The following MARCHF1 variants were observed in gnomAD, a reference collection of about 807,000 sequenced individuals.
The protein encoded by MARCHF1 is membrane associated ring-CH-type finger 1.
MARCHF1 carries 40 observed loss-of-function variants against 54.2 expected under a neutral mutation model. The observed-to-expected ratio is 0.74, with a 90% CI of 0.57 to 0.96. MARCHF1 has a LOEUF of 0.96. Among genes scored for constraint, MARCHF1 ranks in the 40% least tolerant of loss-of-function variants. MARCHF1 has a pLI of 0.00. For missense variants in MARCHF1, 586 were observed against 656.5 expected, an observed-to-expected ratio of 0.89 and a Z score of 1.17; for synonymous variants, 236 against 236.3, an observed-to-expected ratio of 1.00 and a Z score of 0.01.
At chr4:163,734,299 A>G (rs969224584) in intron 4 of MARCHF1, among the ~76,000 whole-genome samples, 3 of 152,222 alleles carry the variant, frequency 2.0e-5, no homozygotes, top group Non-Finnish European at 4.4e-5. Flanking sequence ...TACATCTGCC[A>G]TATGATTTAG....
At chr4:163,729,412 TCCC>T (rs34353487) in intron 4 of MARCHF1, among the ~76,000 whole-genome samples, 70,430 of 151,348 alleles carry the variant, frequency 0.47, 16,394 homozygotes, top group Admixed American at 0.49. Context: ...TTCTGGTGCT[TCCC>T]TCTGTCTTGG....
chr4:163,558,999 G>C (rs1051809204), intron 8 of MARCHF1, among the ~76,000 whole-genome samples: 6 of 152,074 alleles, frequency 3.9e-5, no homozygotes, highest in African/African-American at 1.4e-4. Flanking sequence ...AGGACAAAAT[G>C]TTCCCGTACA....
chr4:163,750,485 TG>T (rs1305899105), intron 4 of MARCHF1, among the ~76,000 whole-genome samples: 1 of 151,370 alleles, frequency 6.6e-6, no homozygotes, highest in Admixed American at 6.6e-5. Context: ...CACTCCAGCC[TG>T]GGTGACAGAG....
intron 8 of MARCHF1, among the ~76,000 whole-genome samples, chr4:163,582,791 C>A (rs1490112725): frequency 6.6e-6 from 1 of 151,706 alleles, no homozygotes; most frequent in Non-Finnish European, 1.5e-5. Context: ...ATTGATGAAT[C>A]TTAGTGCCAT....
intron 3 of MARCHF1, among the ~76,000 whole-genome samples, chr4:163,900,400 T>C (rs1232703376): frequency 6.6e-6 from 1 of 152,078 alleles, no homozygotes; most frequent in Non-Finnish European, 1.5e-5. Flanking sequence ...TGTCTTATAA[T>C]TGATCTTGCA....
intron 3 of MARCHF1, among the ~76,000 whole-genome samples, chr4:163,985,065 G>A (rs1417835400): frequency 6.6e-6 from 1 of 151,918 alleles, no homozygotes; most frequent in Non-Finnish European, 1.5e-5. Context: ...AACCCTCCTG[G>A]AGCTAAAACT....
intron 3 of MARCHF1, among the ~76,000 whole-genome samples, chr4:163,924,798 TCTA>T (rs1751503878): frequency 6.6e-6 from 1 of 151,846 alleles, no homozygotes. Context: ...CCAAATTTGC[TCTA>T]CTGTCTCTCT....
At chr4:163,703,446 C>T (rs1305028730) in intron 4 of MARCHF1, among the ~76,000 whole-genome samples, 1 of 152,130 alleles carries the variant, frequency 6.6e-6, no homozygotes, top group Non-Finnish European at 1.5e-5. Flanking sequence ...AATTGGGTGG[C>T]TTGTCCCATT....
intron 4 of MARCHF1, among the ~76,000 whole-genome samples, chr4:163,793,856 C>T (rs113001646): frequency 0.038 from 5,832 of 152,196 alleles, 163 homozygotes; most frequent in South Asian, 0.074. Context: ...CCCCTTAGAG[C>T]TGTGAGCCCT....
chr4:164,162,441 G>C (rs1253895143), intron 1 of MARCHF1, among the ~76,000 whole-genome samples: 1 of 152,098 alleles, frequency 6.6e-6, no homozygotes, highest in Non-Finnish European at 1.5e-5. Context: ...CAGCTGTGAG[G>C]AAAGAGCTGC....
intron 4 of MARCHF1, among the ~76,000 whole-genome samples, chr4:163,738,417 G>GCTT (rs10670051): frequency 0.4 from 61,434 of 151,782 alleles, 12,986 homozygotes; most frequent in Non-Finnish European, 0.47. Context: ...GCAACAGAGA[G>GCTT]CTGCATATTT....
rs34667002 is a variant in MARCHF1, at chr4:163,963,317, CA to C, written c.-39+25183del. Among the ~76,000 whole-genome samples, 91 of 151,716 alleles carry C rather than the reference CA, an allele frequency of 6.0e-4. 1 individual carries two copies. Among genetic ancestry groups the C allele is most frequent in the Non-Finnish European group, 1.2e-3 (83 of 67,828 alleles). ...AGGTTTCTAGTGACTTTATAACCTC[CA>C]AAAAATTCTTGTTGGTTTTTCTTTC... On this transcript the variant is annotated intron_variant, in intron 3 of 9. Transcript: ENST00000514618.
At chr4:163,587,548 T>C (rs1442246055) in intron 7 of MARCHF1, among the ~76,000 whole-genome samples, 2 of 152,144 alleles carry the variant, frequency 1.3e-5, no homozygotes, top group African/African-American at 4.8e-5. Flanking sequence ...TTCTCACTTA[T>C]AAGTAGGAGC....
At chr4:163,949,765 A>AGCAGAG (rs70948680) in intron 3 of MARCHF1, among the ~76,000 whole-genome samples, 97,939 of 150,552 alleles carry the variant, frequency 0.65, 32,072 homozygotes, top group East Asian at 0.86. Context: ...TTTAGAACTC[A>AGCAGAG]GCAGAGAGGA....
chr4:164,015,665 A>G (rs1473782851), intron 2 of MARCHF1, among the ~76,000 whole-genome samples: 1 of 152,146 alleles, frequency 6.6e-6, no homozygotes, highest in Non-Finnish European at 1.5e-5. Context: ...CTGAAAAGAT[A>G]TTTCTGCAAA....
intron 5 of MARCHF1, among the ~76,000 whole-genome samples, chr4:163,641,647 T>C (rs1293958517): frequency 6.6e-6 from 1 of 152,082 alleles, no homozygotes; most frequent in Admixed American, 6.6e-5. Flanking sequence ...CTAAGAGGAG[T>C]AGAACTTTTG....
At chr4:164,172,743 T>A (rs967214496) in intron 1 of MARCHF1, among the ~76,000 whole-genome samples, 4 of 152,158 alleles carry the variant, frequency 2.6e-5, no homozygotes, top group Admixed American at 1.3e-4. Context: ...TTTGGGAGGC[T>A]GAGGCGGGCA....
intron 1 of MARCHF1, among the ~76,000 whole-genome samples, chr4:164,258,342 C>G (rs1458119512): frequency 1.3e-5 from 2 of 151,170 alleles, no homozygotes; most frequent in Non-Finnish European, 2.9e-5. Flanking sequence ...CACGTGTATA[C>G]CTATGTAACA....
chr4:163,791,704 G>A (rs1747777767), intron 4 of MARCHF1, among the ~76,000 whole-genome samples: 1 of 151,982 alleles, frequency 6.6e-6, no homozygotes, highest in Non-Finnish European at 1.5e-5. Flanking sequence ...ACTTAATATT[G>A]CATCTTCAGT....
Sources: gnomAD v4.1 joint callset for allele counts (sites outside exome capture counted in the v4.1 genomes callset) on GRCh38, gnomAD v4.1.1 for gene constraint, MANE v1.5 for transcripts, NCBI Gene and HGNC (gene_info 2026-07-23, HGNC 2026-07-21) for gene names.